The following SOBP variants were observed in gnomAD, a reference collection of about 807,000 sequenced individuals.
SOBP encodes sine oculis-binding protein homolog.
Under a neutral mutation model 53.6 loss-of-function variants are expected in SOBP, and 4 were observed. The observed-to-expected ratio is 0.07, with a 90% CI of 0.04 to 0.17. SOBP has a LOEUF of 0.17. Among genes scored for constraint, SOBP ranks in the 10% least tolerant of loss-of-function variants. SOBP has a pLI of 1.00. For missense variants in SOBP, 1,088 were observed against 1,204.7 expected (o/e 0.90, Z 1.43); for synonymous variants, 584 against 522.6 (o/e 1.12, Z -1.60).
rs553629084 is a variant in SOBP at position 107,658,644 on chromosome 6, C to A, written c.*441C>A. ...TTTAAAAACTGCTGTGGTTTTGCTG[C>A]TACACTAAGAATTGTGATTTGCATT... On this transcript the variant is annotated 3_prime_UTR_variant, in exon 7 of 7. Transcript: ENST00000317357. 1.3e-5 allele frequency: 2 copies of A among 152,710 alleles called. No individual in the cohort carries two copies. The highest frequency in any genetic ancestry group is 3.9e-4 in the East Asian group (2 of 5,184). The allele number at this position is 152,710 out of a possible 1,614,324, so 9.5% of individuals were successfully genotyped here.
At chr6:107,545,481 T>A (rs1784274838) in intron 4 of SOBP, among the ~76,000 whole-genome samples, 1 of 152,212 alleles carries the variant, frequency 6.6e-6, no homozygotes, top group Non-Finnish European at 1.5e-5. Context: ...CTCCTCCCTT[T>A]CTTTGTATTC....
chr6:107,595,632 A>G (rs1051503480), intron 5 of SOBP, among the ~76,000 whole-genome samples: 2 of 152,210 alleles, frequency 1.3e-5, no homozygotes, highest in African/African-American at 4.8e-5. Context: ...TAGGATATCA[A>G]TTATCAATAT....
chr6:107,643,117 T>G (rs1771401419), intron 6 of SOBP, among the ~76,000 whole-genome samples: 1 of 152,224 alleles, frequency 6.6e-6, no homozygotes, highest in African/African-American at 2.4e-5. Flanking sequence ...GGGGAAACCC[T>G]ATATTTCATC....
intron 5 of SOBP, among the ~76,000 whole-genome samples, chr6:107,595,326 G>A (rs4294042): frequency 0.57 from 81,679 of 142,806 alleles, 25,667 homozygotes; most frequent in East Asian, 0.91. Context: ...CTTTTTAAAA[G>A]TCTGACTGCT....
At chr6:107,600,935 A>G (rs1786156694) in intron 5 of SOBP, among the ~76,000 whole-genome samples, 1 of 152,112 alleles carries the variant, frequency 6.6e-6, no homozygotes, top group South Asian at 2.1e-4. Flanking sequence ...TATATACTTT[A>G]TATTATTAAA....
intron 3 of SOBP, among the ~76,000 whole-genome samples, chr6:107,520,572 C>T (rs1783453895): frequency 6.6e-6 from 1 of 152,136 alleles, no homozygotes; most frequent in Non-Finnish European, 1.5e-5. Context: ...TATGACGTAG[C>T]TAGGATAATA....
In SOBP at chr6:107,534,401, C is replaced by T. The variant is rs144418116; in HGVS notation, c.573+791C>T. Among the ~76,000 whole-genome samples the T allele has an allele frequency of 9.8e-4, 150 of 152,302 alleles. 3 individuals carry two copies. The highest frequency in any genetic ancestry group is 1.5e-4 in the Non-Finnish European group (10 of 68,026). On this transcript the variant is annotated intron_variant, in intron 4 of 6. Coordinates refer to ENST00000317357, the MANE Select transcript of SOBP (RefSeq NM_018013.4). ...CTGTAGCCTTTGCCACCAACTACTG[C>T]GGTAACTTGCTAGTCCTCAATTATT...
intron 5 of SOBP, among the ~76,000 whole-genome samples, chr6:107,618,084 C>T (rs1786863436): frequency 6.6e-6 from 1 of 152,140 alleles, no homozygotes; most frequent in South Asian, 2.1e-4. Flanking sequence ...CCGCCTCAGC[C>T]TCTTAAAATA....
chr6:107,604,178 A>G (rs1184997723), intron 5 of SOBP, among the ~76,000 whole-genome samples: 1 of 152,240 alleles, frequency 6.6e-6, no homozygotes, highest in Non-Finnish European at 1.5e-5. Flanking sequence ...AACTGAGAGT[A>G]ATTTTTGCCA....
intron 2 of SOBP, 65 bp downstream of exon 2, chr6:107,503,860 T>A: frequency 1.3e-6 from 2 of 1,596,230 alleles, no homozygotes; most frequent in South Asian, 2.2e-5. Flanking sequence ...CTGCCAGAAT[T>A]GAGTTGCTTT....
intron 6 of SOBP, among the ~76,000 whole-genome samples, chr6:107,648,897 G>A (rs887908795): frequency 6.6e-6 from 1 of 152,124 alleles, no homozygotes; most frequent in African/African-American, 2.4e-5. Context: ...ATGTAAATTA[G>A]GTGTGCAATA....
intron 6 of SOBP, among the ~76,000 whole-genome samples, chr6:107,654,268 A>T (rs2114254885): frequency 6.6e-6 from 1 of 152,298 alleles, no homozygotes; most frequent in East Asian, 1.9e-4. Context: ...AGCATAAGAA[A>T]TGGGCTTTTA....
Position 107,577,863 on chromosome 6 carries a change from G to A in SOBP, c.574-9217G>A, listed in dbSNP as rs961394087. ...CCGAGGCAGGTGGATCACGAAGTCA[G>A]GAGATCAAGACCATCCTGGCTAACA... On this transcript the variant is annotated intron_variant, in intron 4 of 6. Coordinates refer to ENST00000317357, the MANE Select transcript of SOBP (RefSeq NM_018013.4). Among the ~76,000 whole-genome samples the A allele has an allele frequency of 4.6e-5, 7 of 152,226 alleles. 1 individual carries two copies. Among genetic ancestry groups the A allele is most frequent in the Non-Finnish European group, 1.0e-4 (7 of 68,018 alleles).
chr6:107,657,174 C>A (rs1772104317), intron 6 of SOBP, among the ~76,000 whole-genome samples: 1 of 152,212 alleles, frequency 6.6e-6, no homozygotes, highest in Admixed American at 6.5e-5. Context: ...AGTGGCTGCT[C>A]CCAGAACTGA....
chr6:107,539,557 T>C (rs1784095374), intron 4 of SOBP, among the ~76,000 whole-genome samples: 1 of 152,224 alleles, frequency 6.6e-6, no homozygotes, highest in South Asian at 2.1e-4. Context: ...CCAATCCATC[T>C]AAAAGGCACG....
At chr6:107,499,296 G>A (rs114651440) in intron 1 of SOBP, among the ~76,000 whole-genome samples, 1,647 of 152,142 alleles carry the variant, frequency 0.011, 22 homozygotes, top group African/African-American at 0.037. Flanking sequence ...ATTTTCTGTC[G>A]TGAAAAGAGG....
chr6:107,644,645 C>G (rs1051811414), intron 6 of SOBP, among the ~76,000 whole-genome samples: 3 of 152,174 alleles, frequency 2.0e-5, no homozygotes, highest in Admixed American at 6.5e-5. Context: ...ATACAACTTT[C>G]TGGTAAGAAT....
chr6:107,623,321 G>C (rs998975071), intron 5 of SOBP, among the ~76,000 whole-genome samples: 1 of 152,248 alleles, frequency 6.6e-6, no homozygotes, highest in East Asian at 1.9e-4. Context: ...AGCTAGTAAC[G>C]CTATGTTCAT....
intron 6 of SOBP, among the ~76,000 whole-genome samples, chr6:107,636,710 C>G (rs1270192497): frequency 2.6e-5 from 4 of 152,118 alleles, no homozygotes; most frequent in African/African-American, 9.7e-5. Context: ...ATGGCGTGCC[C>G]CCATCTGGTG....
Sources: allele counts gnomAD v4.1 joint callset (sites outside exome capture counted in the v4.1 genomes callset), GRCh38; gene constraint gnomAD v4.1.1; transcripts MANE v1.5; gene names NCBI Gene and HGNC (gene_info 2026-07-23, HGNC 2026-07-21).